The following PGPEP1L variants were observed in gnomAD, a reference collection of about 807,000 sequenced individuals.
PGPEP1L encodes the protein pyroglutamyl-peptidase 1-like protein.
In PGPEP1L, 7 loss-of-function variants were observed where a neutral mutation model predicts 6.0. The ratio of observed to expected loss-of-function variants is 1.17; its 90% CI spans 0.66 to 2.19. PGPEP1L has a LOEUF of 2.19. PGPEP1L is among the 30% of genes most tolerant of loss of function. PGPEP1L has a pLI of 0.00. For missense variants in PGPEP1L, 209 were observed against 192.5 expected (o/e 1.09, Z -0.51); for synonymous variants, 103 against 83.9 (o/e 1.23, Z -1.24).
At chr15:98,993,207 C>G (rs2017841651) in intron 2 of PGPEP1L, among the ~76,000 whole-genome samples, 1 of 152,070 alleles carries the variant, frequency 6.6e-6, no homozygotes, top group African/African-American at 2.4e-5. Flanking sequence ...AATCTACCCA[C>G]CTGACAAAGG....
intron 2 of PGPEP1L, 103 bp downstream of exon 2, chr15:99,005,326 T>TC (rs1397996037): frequency 9.2e-5 from 14 of 152,462 alleles, no homozygotes; most frequent in East Asian, 1.9e-4. Context: ...ATTCTTTTTT[T>TC]CCCTCAGGGA....
rs2017432665 is a variant in PGPEP1L at position 98,968,310 on chromosome 15, T to G, written c.*168A>C. The G allele has an allele frequency of 1.5e-6, 1 of 662,486 alleles. No homozygotes were observed. Among genetic ancestry groups the G allele is most frequent in the African/African-American group, 1.8e-5 (1 of 55,322 alleles). The allele number at this position is 662,486 out of a possible 1,614,324, so 41.0% of individuals were successfully genotyped here. A position where few individuals can be genotyped will look rare whatever the true frequency, so the allele number is the denominator to read the frequency against. On this transcript the variant is annotated 3_prime_UTR_variant, in exon 5 of 5. Coordinates refer to ENST00000535714, the MANE Select transcript of PGPEP1L (RefSeq NM_001167902.2). ...TGTGAAATGTCCACCTTTCAGAGTG[T>G]TCTTTCTCCTGACAATAAAATAACC...
intron 2 of PGPEP1L, among the ~76,000 whole-genome samples, chr15:98,983,363 C>G (rs2017697400): frequency 1.3e-5 from 2 of 152,028 alleles, no homozygotes; most frequent in African/African-American, 4.8e-5. Context: ...ACCAGGCCAC[C>G]TCATCTTTGG....
intron 2 of PGPEP1L, among the ~76,000 whole-genome samples, chr15:98,988,134 A>G (rs1555471710): frequency 6.6e-6 from 1 of 152,120 alleles, no homozygotes; most frequent in African/African-American, 2.4e-5. Flanking sequence ...AACACCAGCG[A>G]GACAGAATCT....
chr15:98,978,368 C>T (rs1441455949), intron 2 of PGPEP1L, among the ~76,000 whole-genome samples: 1 of 151,950 alleles, frequency 6.6e-6, no homozygotes, highest in African/African-American at 2.4e-5. Flanking sequence ...AGTGTAGAGT[C>T]CAGGGACCTA....
At chr15:98,986,446 T>C (rs1484689196) in intron 2 of PGPEP1L, among the ~76,000 whole-genome samples, 2 of 152,236 alleles carry the variant, frequency 1.3e-5, no homozygotes, top group African/African-American at 4.8e-5. Flanking sequence ...TAGAGCTTCT[T>C]GATGAGTGTC....
At chr15:98,974,097 T>C (rs1212150371) in intron 2 of PGPEP1L, among the ~76,000 whole-genome samples, 2 of 151,956 alleles carry the variant, frequency 1.3e-5, no homozygotes, top group Admixed American at 1.3e-4. Flanking sequence ...ATAGAAGAAA[T>C]AGGCTGGGCA....
chr15:98,969,574 C>T lies in PGPEP1L; in HGVS notation c.60G>A (p.Arg20=). 6.2e-7 allele frequency: 1 copy of T among 1,613,910 alleles called. No homozygotes were observed. Among genetic ancestry groups the T allele is most frequent in the Non-Finnish European group, 8.5e-7 (1 of 1,179,902 alleles). ...LEQSGKNQGY[R]DADIRSFWPE... ...GCCAGAAGCTGCGGATGTCGGCGTC[C>T]CGGTAGCCTTGGTTCTTGCCAGACT... Residue 20 remains arginine, a synonymous_variant, in exon 4 of 5, where the codon CGG becomes CGA. Transcript: ENST00000535714.
chr15:98,975,175 A>G lies in PGPEP1L; in HGVS notation c.-141-4017T>C, dbSNP rs189367137. Among the ~76,000 whole-genome samples the G allele has an allele frequency of 5.3e-3, 800 of 152,358 alleles. 7 individuals carry two copies. The highest frequency in any genetic ancestry group is 8.3e-3 in the Non-Finnish European group (567 of 68,036). On this transcript the variant is annotated intron_variant, in intron 2 of 4. Coordinates refer to ENST00000535714, the MANE Select transcript of PGPEP1L (RefSeq NM_001167902.2). ...ATGGAATCCTGTCATTTGTAGCAACATGGATAGAACTGGAGGTCATTATGT... is the reference window on the plus strand; with the variant it reads ...ATGGAATCCTGTCATTTGTAGCAACGTGGATAGAACTGGAGGTCATTATGT...
chr15:98,992,707 C>A (rs1406833449), intron 2 of PGPEP1L, among the ~76,000 whole-genome samples: 1 of 152,198 alleles, frequency 6.6e-6, no homozygotes, highest in Non-Finnish European at 1.5e-5. Context: ...TACTACAAGG[C>A]TGCAGTAACA....
chr15:98,993,218 G>A (rs1293440979), intron 2 of PGPEP1L, among the ~76,000 whole-genome samples: 1 of 152,068 alleles, frequency 6.6e-6, no homozygotes, highest in East Asian at 1.9e-4. Flanking sequence ...CTGACAAAGG[G>A]CTAATATCCA....
At chr15:98,979,228 A>T (rs1410785754) in intron 2 of PGPEP1L, among the ~76,000 whole-genome samples, 1 of 152,104 alleles carries the variant, frequency 6.6e-6, no homozygotes, top group Non-Finnish European at 1.5e-5. Context: ...ATCGAGCATT[A>T]CTGTACGAAC....
chr15:98,985,007 G>T (rs1344749010), intron 2 of PGPEP1L, among the ~76,000 whole-genome samples: 1 of 152,086 alleles, frequency 6.6e-6, no homozygotes, highest in Non-Finnish European at 1.5e-5. Flanking sequence ...GCTGTTACTG[G>T]GGCTTCTGTT....
intron 2 of PGPEP1L, among the ~76,000 whole-genome samples, chr15:98,995,020 C>T (rs374645915): frequency 4.5e-4 from 68 of 152,150 alleles, no homozygotes; most frequent in African/African-American, 1.5e-3. Context: ...AATGTGTATC[C>T]GTGTGGATCT....
At chr15:99,001,188 A>G (rs1486327283) in intron 2 of PGPEP1L, 4 of 436,686 alleles carry the variant, frequency 9.2e-6, no homozygotes, top group Admixed American at 7.5e-5. Flanking sequence ...AACACTCACC[A>G]CGAGAGTCCG....
At position 98,989,834 on chromosome 15, in the gene PGPEP1L, C is replaced by G. The variant is rs572751139; in HGVS notation, c.-142+15595G>C. Reference sequence around the variant, plus strand: ...AGAGTGGGGGCCAATATTCAACATTCTTAAAGAAAAGAATTTTCAACCCAG... The same window carrying G: ...AGAGTGGGGGCCAATATTCAACATTGTTAAAGAAAAGAATTTTCAACCCAG... On this transcript the variant is annotated intron_variant, in intron 2 of 4. Coordinates refer to ENST00000535714, the MANE Select transcript of PGPEP1L (RefSeq NM_001167902.2). Among the ~76,000 whole-genome samples, 66 of 152,264 alleles carry G rather than the reference C, an allele frequency of 4.3e-4. 1 individual carries two copies. The highest frequency in any genetic ancestry group is 1.2e-4 in the Non-Finnish European group (8 of 68,018).
intron 2 of PGPEP1L, among the ~76,000 whole-genome samples, chr15:98,995,656 A>C (rs2017877575): frequency 6.6e-6 from 1 of 152,218 alleles, no homozygotes; most frequent in Non-Finnish European, 1.5e-5. Context: ...AGATGGCACC[A>C]CTGCACTCCA....
chr15:98,998,600 A>T (rs2017919155), intron 2 of PGPEP1L, among the ~76,000 whole-genome samples: 1 of 152,234 alleles, frequency 6.6e-6, no homozygotes, highest in African/African-American at 2.4e-5. Context: ...ATTAGACACT[A>T]ACAGGCAAAA....
Position 98,973,753 on chromosome 15 carries a change from T to C in PGPEP1L, c.-141-2595A>G, listed in dbSNP as rs115184904. On this transcript the variant is annotated intron_variant, in intron 2 of 4. Transcript: ENST00000535714. ...GCAATAAATGCTTTCATCAAAAAGA[T>C]AGAAAGACTTCAAATAAACAGCCTA... Among the ~76,000 whole-genome samples, 886 of 152,198 alleles carry C rather than the reference T, an allele frequency of 5.8e-3. 7 individuals are homozygous for C. Among genetic ancestry groups the C allele is most frequent in the African/African-American group, 0.019 (807 of 41,546 alleles).
Sources: allele counts gnomAD v4.1 joint callset (sites outside exome capture counted in the v4.1 genomes callset), GRCh38; gene constraint gnomAD v4.1.1; transcripts MANE v1.5; gene names NCBI Gene and HGNC (gene_info 2026-07-23, HGNC 2026-07-21).